Variants in TAOK3 observed in about 807,000 individuals in gnomAD.
TAOK3 encodes TAO kinase 3.
Under a neutral mutation model 120.4 loss-of-function variants are expected in TAOK3, and 40 were observed. The ratio of observed to expected loss-of-function variants is 0.33; its 90% CI spans 0.26 to 0.43. The LOEUF is 0.43. Among genes scored for constraint, TAOK3 ranks in the 20% least tolerant of loss-of-function variants. The pLI, the probability that TAOK3 is intolerant of heterozygous loss-of-function variation, is 1.00. For missense variants in TAOK3, 821 were observed against 1,112.1 expected (o/e 0.74, Z 3.72); for synonymous variants, 355 against 387.5 (o/e 0.92, Z 0.99).
At position 118,246,740 on chromosome 12, in the gene TAOK3, C is replaced by T. The variant is rs937357386; in HGVS notation, c.121-1775G>A. 210 of 1,576,270 alleles carry T rather than the reference C, an allele frequency of 1.3e-4. 1 individual carries two copies. In the South Asian group the frequency reaches 1.4e-3, roughly 11 times the overall value. ...AGAAGCTGCTCATGATGGCTGGTAT[C>T]GATGACTGCTACACCTCAGCCCGGG... On this transcript the variant is annotated intron_variant, in intron 3 of 20. Coordinates refer to ENST00000392533, the MANE Select transcript of TAOK3 (RefSeq NM_016281.4).
At chr12:118,322,615 C>T (rs573107125) in intron 1 of TAOK3, among the ~76,000 whole-genome samples, 2 of 151,348 alleles carry the variant, frequency 1.3e-5, no homozygotes, top group African/African-American at 4.8e-5. Context: ...TCCAATAAAA[C>T]GTTGCTTATG....
At chr12:118,309,071 G>A (rs1346740648) in intron 1 of TAOK3, among the ~76,000 whole-genome samples, 1 of 151,294 alleles carries the variant, frequency 6.6e-6, no homozygotes, top group East Asian at 2.0e-4. Flanking sequence ...GCTCACGCCT[G>A]TAATCCCAGC....
At chr12:118,282,972 C>T (rs1366880625) in intron 1 of TAOK3, among the ~76,000 whole-genome samples, 2 of 152,208 alleles carry the variant, frequency 1.3e-5, no homozygotes, top group African/African-American at 4.8e-5. Context: ...CTATAAATAA[C>T]TTATTAATGA....
intron 1 of TAOK3, among the ~76,000 whole-genome samples, chr12:118,328,301 T>C (rs2044013472): frequency 6.6e-6 from 1 of 152,122 alleles, no homozygotes; most frequent in South Asian, 2.1e-4. Context: ...CCTCTAGTGA[T>C]CCTTGGCCTC....
At chr12:118,243,635 A>T (rs2040350625) in intron 4 of TAOK3, 119 bp from the exon 5 acceptor site, 2 of 459,130 alleles carry the variant, frequency 4.4e-6, no homozygotes, top group Non-Finnish European at 3.8e-6. Context: ...TAAATGTTTA[A>T]TAAATGAAGA....
intron 1 of TAOK3, among the ~76,000 whole-genome samples, chr12:118,335,734 A>ACTTG (rs2044342366): frequency 6.6e-6 from 1 of 152,194 alleles, no homozygotes; most frequent in Non-Finnish European, 1.5e-5. Context: ...TGGGAGGCTG[A>ACTTG]GGAAGAATTG....
In TAOK3 at chr12:118,212,857, A is replaced by G. The variant is rs2038700935; in HGVS notation, c.819+57T>C. ...AGCTGCCACAGGAATGATTTATTATATTCCATTATAACATGACTTTAAATC... is the reference window on the plus strand; with the variant it reads ...AGCTGCCACAGGAATGATTTATTATGTTCCATTATAACATGACTTTAAATC... On this transcript the variant is annotated intron_variant, in intron 11 of 20. Transcript: ENST00000392533. 4.1e-6 allele frequency: 5 copies of G among 1,211,408 alleles called. No homozygotes were observed. In the Admixed American group the frequency reaches 7.8e-5, roughly 19 times the overall value. 75.0% of individuals were successfully genotyped at this position (1,211,408 alleles called of 1,614,324 possible).
chr12:118,246,587 C>G, intron 3 of TAOK3: 1 of 1,571,976 alleles, frequency 6.4e-7, no homozygotes, highest in Non-Finnish European at 8.6e-7. Context: ...TGCGCAGAGG[C>G]TACTGGGGGA....
chr12:118,307,661 T>C (rs1476120855), intron 1 of TAOK3, among the ~76,000 whole-genome samples: 5 of 152,198 alleles, frequency 3.3e-5, no homozygotes, highest in Admixed American at 2.0e-4. Context: ...AAGCACTTGA[T>C]ACTAGAGTTC....
chr12:118,153,705 C>G (rs944487479), intron 19 of TAOK3, among the ~76,000 whole-genome samples: 1 of 152,206 alleles, frequency 6.6e-6, no homozygotes, highest in Non-Finnish European at 1.5e-5. Context: ...TCCATTTACC[C>G]TGAGCTTATC....
At position 118,177,288 on chromosome 12, in the gene TAOK3, C is replaced by G. The variant is rs1305229010; in HGVS notation, c.1608G>C (p.Gln536His). The change falls in exon 16 of 21, where the codon CAG (glutamine) becomes CAC (histidine). Residue 536 changes from glutamine (Q) to histidine (H), a missense_variant. Coordinates refer to ENST00000392533, the MANE Select transcript of TAOK3 (RefSeq NM_016281.4). ...AATCTTTCTTCTGCTGGGCCAAGAT[C>G]TGTTGCTGGAACTTCTTCTCATCTG... ...AAADEKKFQQ[Q>H]ILAQQKKDLT... 1 of 1,613,822 alleles carries G rather than the reference C, an allele frequency of 6.2e-7. No homozygotes were observed. Among genetic ancestry groups the G allele is most frequent in the Non-Finnish European group, 8.5e-7 (1 of 1,179,958 alleles).
chr12:118,308,931 CAAAAAAAAAAAAAA>C (rs60574584), intron 1 of TAOK3, among the ~76,000 whole-genome samples: 2 of 30,058 alleles, frequency 6.7e-5, no homozygotes, highest in Non-Finnish European at 1.3e-4. Flanking sequence ...ACTCTGTCTC[CAAAAAAAAAAAAAA>C]AAAAAAAAAA....
At chr12:118,224,244 C>G (rs2039394420) in intron 9 of TAOK3, among the ~76,000 whole-genome samples, 1 of 152,168 alleles carries the variant, frequency 6.6e-6, no homozygotes, top group Admixed American at 6.5e-5. Context: ...CATGGTATCT[C>G]TTCAATAACT....
intron 1 of TAOK3, among the ~76,000 whole-genome samples, chr12:118,276,165 CA>C (rs975440851): frequency 3.3e-5 from 5 of 152,088 alleles, no homozygotes; most frequent in African/African-American, 4.8e-5. Flanking sequence ...TGTGTAGAAG[CA>C]AGGTTAAAAA....
intron 15 of TAOK3, among the ~76,000 whole-genome samples, chr12:118,179,948 T>G (rs1412800245): frequency 2.4e-4 from 8 of 32,958 alleles, no homozygotes; most frequent in Non-Finnish European, 6.0e-4. Context: ...GCCTGGCTGG[T>G]TTTTTTTTTT....
chr12:118,225,802 T>C lies in TAOK3; in HGVS notation c.643+7872A>G, dbSNP rs1480951267. Reference sequence around the variant, plus strand: ...AGGTGTACAATGTGATGTTTTGATGTTCATATACATTGATTAATCACAATC... The same window carrying C: ...AGGTGTACAATGTGATGTTTTGATGCTCATATACATTGATTAATCACAATC... On this transcript the variant is annotated intron_variant, in intron 9 of 20. Transcript: ENST00000392533. 2.6e-5 allele frequency among the ~76,000 whole-genome samples: 4 copies of C among 152,242 alleles called. No individual in the cohort carries two copies. In the East Asian group the frequency reaches 7.7e-4, roughly 29 times the overall value.
intron 16 of TAOK3, among the ~76,000 whole-genome samples, chr12:118,173,426 C>T (rs1399118888): frequency 6.6e-6 from 1 of 152,108 alleles, no homozygotes; most frequent in Non-Finnish European, 1.5e-5. Flanking sequence ...ATTACTCTGG[C>T]TGCCATGGGG....
intron 3 of TAOK3, among the ~76,000 whole-genome samples, chr12:118,255,181 C>T (rs922657583): frequency 3.3e-5 from 5 of 152,324 alleles, no homozygotes; most frequent in East Asian, 1.9e-4. Flanking sequence ...TTTGCCTCTA[C>T]GGTAGATATC....
chr12:118,363,755 T>TGTGTGAGAGA (rs777468830), intron 1 of TAOK3, among the ~76,000 whole-genome samples: 1 of 141,684 alleles, frequency 7.1e-6, no homozygotes, highest in African/African-American at 2.6e-5. Context: ...TGTGTGTGTG[T>TGTGTGAGAGA]GAGAGAGAGA....
Sources: gnomAD v4.1 joint callset for allele counts (sites outside exome capture counted in the v4.1 genomes callset) on GRCh38, gnomAD v4.1.1 for gene constraint, MANE v1.5 for transcripts, NCBI Gene and HGNC (gene_info 2026-07-23, HGNC 2026-07-21) for gene names.